The following B4GALT6 variants were observed in gnomAD, a reference collection of about 807,000 sequenced individuals.
B4GALT6 encodes the protein beta-1,4-galactosyltransferase 6.
Under a neutral mutation model 46.3 loss-of-function variants are expected in B4GALT6, and 14 were observed. That is an observed-to-expected ratio of 0.30 (90% CI 0.20 to 0.47). The LOEUF (loss-of-function observed/expected upper bound fraction) is 0.47. Ranked by LOEUF, B4GALT6 falls within the 20% of genes least tolerant of loss-of-function variation. The probability of loss-of-function intolerance (pLI) is 0.99; values close to 1 mark genes in which losing one functional copy is unlikely to be tolerated. For missense variants in B4GALT6, 386 were observed against 480.1 expected (o/e 0.80, Z 1.83); for synonymous variants, 168 against 162.0 (o/e 1.04, Z -0.28).
At chr18:31,630,266 A>G (rs1410440876) in intron 6 of B4GALT6, among the ~76,000 whole-genome samples, 2 of 152,126 alleles carry the variant, frequency 1.3e-5, no homozygotes, top group African/African-American at 2.4e-5. Flanking sequence ...AGCAACAAAC[A>G]GATTTTCTCT....
chr18:31,649,330 C>T (rs1464949442), intron 3 of B4GALT6, among the ~76,000 whole-genome samples: 3 of 152,188 alleles, frequency 2.0e-5, no homozygotes, highest in African/African-American at 4.8e-5. Context: ...GCATTAGTCA[C>T]ACATCCCCAC....
At chr18:31,649,114 C>T (rs149706561) in intron 3 of B4GALT6, among the ~76,000 whole-genome samples, 2 of 152,334 alleles carry the variant, frequency 1.3e-5, no homozygotes, top group Non-Finnish European at 2.9e-5. Context: ...GCCTCCTAAG[C>T]ACAGCTCTGA....
rs2073625649 is a variant in B4GALT6 at position 31,622,317 on chromosome 18, G to T, written c.*3297C>A. The T allele has an allele frequency of 6.6e-6, 1 of 151,944 alleles. No individual in the cohort carries two copies. The highest frequency in any genetic ancestry group is 2.1e-4 in the South Asian group (1 of 4,820). The allele number at this position is 151,944 out of a possible 1,614,324, so 9.4% of individuals were successfully genotyped here. ...AACATTTCCATGAGAAGCAAAAAAA[G>T]AAGTGGGATACAAGAAATTACTAGC... On this transcript the variant is annotated 3_prime_UTR_variant, in exon 9 of 9. Transcript: ENST00000306851.
chr18:31,661,544 TCTCA>T (rs2074216943), intron 2 of B4GALT6, among the ~76,000 whole-genome samples: 1 of 151,694 alleles, frequency 6.6e-6, no homozygotes, highest in Non-Finnish European at 1.5e-5. Context: ...TCTCGCTCTC[TCTCA>T]CACACACACA....
At chr18:31,668,515 C>G (rs2852319) in intron 1 of B4GALT6, among the ~76,000 whole-genome samples, 36 of 152,092 alleles carry the variant, frequency 2.4e-4, no homozygotes, top group African/African-American at 8.4e-4. Context: ...AACTTATTCA[C>G]ACAATTTAAA....
intron 5 of B4GALT6, among the ~76,000 whole-genome samples, chr18:31,635,531 G>A (rs781734638): frequency 5.3e-5 from 8 of 151,894 alleles, no homozygotes; most frequent in African/African-American, 7.3e-5. Context: ...GCATTTCCAC[G>A]GAGAAAAAGC....
intron 3 of B4GALT6, among the ~76,000 whole-genome samples, chr18:31,648,533 A>G (rs1377165068): frequency 6.6e-6 from 1 of 152,084 alleles, no homozygotes; most frequent in African/African-American, 2.4e-5. Flanking sequence ...TGCTTCTATC[A>G]TGTGTGAGGG....
At chr18:31,682,610 TA>T (rs374884230) in intron 1 of B4GALT6, among the ~76,000 whole-genome samples, 10 of 150,646 alleles carry the variant, frequency 6.6e-5, no homozygotes, top group East Asian at 5.8e-4. Context: ...GCACTAACTT[TA>T]AAAAAAAAGG....
At chr18:31,712,403 A>G in the B4GALT6 span, among the ~76,000 whole-genome samples, 1 of 146,772 alleles carries the variant, frequency 6.8e-6, no homozygotes, top group Non-Finnish European at 1.5e-5. Flanking sequence ...CCTGGGTTCA[A>G]GTGATTCTCC....
At position 31,657,312 on chromosome 18, in the gene B4GALT6, CAA is replaced by C. The variant is rs2074152376; in HGVS notation, c.346+662_346+663del. 2.0e-5 allele frequency among the ~76,000 whole-genome samples: 3 copies of C among 151,972 alleles called. No individual in the cohort carries two copies. The South Asian group carries it at 6.2e-4, about 32-fold the overall frequency. On this transcript the variant is annotated intron_variant, in intron 3 of 8. Coordinates refer to ENST00000306851, the MANE Select transcript of B4GALT6 (RefSeq NM_004775.5). ...GTAAATGAGATGTGATACATTTATA[CAA>C]AGACGTACCACACAGTAATAGTTAA...
intron 2 of B4GALT6, among the ~76,000 whole-genome samples, chr18:31,660,263 T>C (rs891387497): frequency 3.9e-5 from 6 of 152,290 alleles, no homozygotes; most frequent in East Asian, 1.9e-4. Context: ...TCTTTAAATA[T>C]ATATATCTAC....
chr18:31,677,794 C>T (rs1459547835), intron 1 of B4GALT6, among the ~76,000 whole-genome samples: 1 of 152,058 alleles, frequency 6.6e-6, no homozygotes, highest in Non-Finnish European at 1.5e-5. Flanking sequence ...GGACAGCCAG[C>T]TTAGGCTGGC....
the B4GALT6 span, among the ~76,000 whole-genome samples, chr18:31,691,660 T>C: frequency 6.6e-6 from 1 of 152,194 alleles, no homozygotes; most frequent in Non-Finnish European, 1.5e-5. Flanking sequence ...CTCAGTCTGT[T>C]CTTTTAATGA....
intron 3 of B4GALT6, among the ~76,000 whole-genome samples, chr18:31,649,646 CAAA>C (rs893225744): frequency 7.3e-6 from 1 of 136,986 alleles, no homozygotes; most frequent in Non-Finnish European, 1.6e-5. Flanking sequence ...AGCCAACAAA[CAAA>C]AAAAAATGCT....
chr18:31,696,154 GGA>G, the B4GALT6 span, among the ~76,000 whole-genome samples: 8 of 152,142 alleles, frequency 5.3e-5, no homozygotes, highest in Non-Finnish European at 2.9e-5. Flanking sequence ...ATGGGCACAT[GGA>G]GAGCAGACAT....
At chr18:31,656,478 G>C (rs2074141079) in intron 3 of B4GALT6, among the ~76,000 whole-genome samples, 1 of 151,836 alleles carries the variant, frequency 6.6e-6, no homozygotes, top group Non-Finnish European at 1.5e-5. Context: ...GTACAGTATA[G>C]TGTTTTTTTT....
At chr18:31,713,026 C>G in the B4GALT6 span, among the ~76,000 whole-genome samples, 1 of 152,152 alleles carries the variant, frequency 6.6e-6, no homozygotes, top group African/African-American at 2.4e-5. Context: ...TTACCAGTTT[C>G]TTTCCAAAAG....
intron 3 of B4GALT6, among the ~76,000 whole-genome samples, chr18:31,657,739 T>C (rs907678221): frequency 2.0e-5 from 3 of 152,248 alleles, no homozygotes; most frequent in African/African-American, 4.8e-5. Flanking sequence ...GGGAACAATA[T>C]GGGTATTTGT....
chr18:31,716,274 A>G, the B4GALT6 span, among the ~76,000 whole-genome samples: 1 of 152,208 alleles, frequency 6.6e-6, no homozygotes, highest in African/African-American at 2.4e-5. Flanking sequence ...CAGAATTCAA[A>G]AAGTCCCACA....
Sources: allele counts gnomAD v4.1 joint callset (sites outside exome capture counted in the v4.1 genomes callset), GRCh38; gene constraint gnomAD v4.1.1; transcripts MANE v1.5; gene names NCBI Gene and HGNC (gene_info 2026-07-23, HGNC 2026-07-21).